SVIL: variants seen among roughly 807,000 people sequenced by gnomAD.
SVIL encodes archvillin.
SVIL carries 101 observed loss-of-function variants against 240.4 expected under a neutral mutation model. That is an observed-to-expected ratio of 0.42 (90% confidence interval 0.36 to 0.50). SVIL has a LOEUF of 0.50. Among genes scored for constraint, SVIL ranks in the 20% least tolerant of loss-of-function variants. SVIL has a pLI of 0.01. For missense variants in SVIL, 2,512 were observed against 2,818.7 expected, an observed-to-expected ratio of 0.89 and a Z score of 2.46; for synonymous variants, 999 against 1,100.0, an observed-to-expected ratio of 0.91 and a Z score of 1.82.
At chr10:29,608,760 C>T (rs1247427) in intron 1 of SVIL, among the ~76,000 whole-genome samples, 78 of 152,124 alleles carry the variant, frequency 5.1e-4, no homozygotes, top group African/African-American at 1.8e-3. Flanking sequence ...AGATAGCCTG[C>T]GTGCCATGGA....
chr10:29,649,460 G>T (rs973050923), intron 3 of SVIL, among the ~76,000 whole-genome samples: 2 of 152,008 alleles, frequency 1.3e-5, no homozygotes, highest in African/African-American at 4.8e-5. Context: ...TAAGAAAATT[G>T]CTACAAGAAG....
intron 2 of SVIL, among the ~76,000 whole-genome samples, chr10:29,660,648 G>A (rs1287660879): frequency 1.3e-5 from 2 of 152,114 alleles, no homozygotes; most frequent in Non-Finnish European, 2.9e-5. Flanking sequence ...CAAGAAGAAA[G>A]GGCAGAATAG....
intron 29 of SVIL, among the ~76,000 whole-genome samples, chr10:29,479,461 G>A (rs1183837020): frequency 6.6e-6 from 1 of 152,154 alleles, no homozygotes; most frequent in African/African-American, 2.4e-5. Context: ...GCCCTGAGGG[G>A]GCAGGGGGAC....
At chr10:29,571,426 A>C (rs35178882) in intron 1 of SVIL, among the ~76,000 whole-genome samples, 9,747 of 152,264 alleles carry the variant, frequency 0.064, 403 homozygotes, top group South Asian at 0.13. Flanking sequence ...CATACAAAGA[A>C]AAACCTACAG....
intron 9 of SVIL, among the ~76,000 whole-genome samples, chr10:29,531,753 A>G (rs1298893713): frequency 6.6e-6 from 1 of 152,230 alleles, no homozygotes; most frequent in African/African-American, 2.4e-5. Context: ...ATAAAGAAAA[A>G]TAATGTTTCT....
chr10:29,463,196 T>C (rs1944466713), intron 35 of SVIL, among the ~76,000 whole-genome samples: 1 of 152,230 alleles, frequency 6.6e-6, no homozygotes, highest in South Asian at 2.1e-4. Flanking sequence ...GGGGTTTTAA[T>C]CTGCCTGGGG....
chr10:29,548,135 G>T (rs943681468), intron 6 of SVIL, among the ~76,000 whole-genome samples: 1 of 152,170 alleles, frequency 6.6e-6, no homozygotes, highest in African/African-American at 2.4e-5. Context: ...TTTCAGTCTG[G>T]ATGCTCGAGT....
chr10:29,553,457 T>C (rs1009481503), intron 5 of SVIL, among the ~76,000 whole-genome samples: 1 of 152,132 alleles, frequency 6.6e-6, no homozygotes, highest in African/African-American at 2.4e-5. Context: ...GGCGGGCACC[T>C]GTAATCCCAG....
At chr10:29,648,965 C>T (rs188438566) in intron 3 of SVIL, among the ~76,000 whole-genome samples, 1 of 151,762 alleles carries the variant, frequency 6.6e-6, no homozygotes, top group Non-Finnish European at 1.5e-5. Context: ...CACTAAGGCA[C>T]CCGTCTACAC....
Position 29,524,587 on chromosome 10 carries a change from T to C in SVIL, c.2471A>G (p.Lys824Arg). ...SLAEKLALFN[K>R]LSQPVSKAIS... ...CGCTTTTGAGACTGGCTGGGACAAT[T>C]TGTTAAACAAGGCCAACTTTTCGGC... The change falls in exon 14 of 38, where the codon AAA (lysine) becomes AGA (arginine). Residue 824 changes from lysine (K) to arginine (R), a missense_variant. Around this residue, in one of 3 missense-constraint regions of SVIL, gnomAD observed 1,443 missense variants for 1,486.6 expected, o/e 0.97. Transcript: ENST00000355867. 2 of 1,614,156 alleles carry C rather than the reference T, an allele frequency of 1.2e-6. No individual in the cohort carries two copies. Among genetic ancestry groups the C allele is most frequent in the Non-Finnish European group, 1.7e-6 (2 of 1,180,034 alleles).
At chr10:29,490,210 G>A (rs1303044196) in intron 22 of SVIL, among the ~76,000 whole-genome samples, 1 of 151,944 alleles carries the variant, frequency 6.6e-6, no homozygotes, top group African/African-American at 2.4e-5. Context: ...TACCAAGAAC[G>A]ATCTGAAAAG....
intron 1 of SVIL, among the ~76,000 whole-genome samples, chr10:29,717,283 GT>G (rs1254580753): frequency 2.7e-5 from 3 of 110,410 alleles, no homozygotes; most frequent in African/African-American, 1.0e-4. Flanking sequence ...TGTGATTTAT[GT>G]TTTTTTTCAC....
chr10:29,692,193 A>T (rs1961560450), intron 1 of SVIL, among the ~76,000 whole-genome samples: 1 of 152,226 alleles, frequency 6.6e-6, no homozygotes, highest in Non-Finnish European at 1.5e-5. Context: ...AGAAGCAAGT[A>T]GAGGTTCGTC....
chr10:29,592,491 G>A (rs867313552), intron 1 of SVIL, among the ~76,000 whole-genome samples: 32 of 152,098 alleles, frequency 2.1e-4, no homozygotes, highest in African/African-American at 5.6e-4. Context: ...TACCTAAGTC[G>A]CCAGGTGCTG....
intron 16 of SVIL, among the ~76,000 whole-genome samples, chr10:29,516,585 C>T (rs1371011037): frequency 1.4e-4 from 21 of 152,168 alleles, no homozygotes; most frequent in Non-Finnish European, 2.6e-4. Context: ...AAATTCCTGC[C>T]GGTGCAATTC....
chr10:29,480,253 G>C (rs2132349679), intron 29 of SVIL, among the ~76,000 whole-genome samples: 2 of 152,328 alleles, frequency 1.3e-5, no homozygotes, highest in Non-Finnish European at 2.9e-5. Flanking sequence ...AAGCTCTGGG[G>C]ACAGGGGCAG....
chr10:29,663,341 A>C (rs1206489406), intron 2 of SVIL, among the ~76,000 whole-genome samples: 1 of 152,182 alleles, frequency 6.6e-6, no homozygotes, highest in Non-Finnish European at 1.5e-5. Context: ...TGATGGTGAC[A>C]ACTTTTCTGT....
chr10:29,496,801 G>T (rs1282235055), intron 18 of SVIL, among the ~76,000 whole-genome samples: 1 of 152,220 alleles, frequency 6.6e-6, no homozygotes, highest in East Asian at 1.9e-4. Context: ...TTGGTAGTAA[G>T]AACCCACTTA....
intron 1 of SVIL, among the ~76,000 whole-genome samples, chr10:29,608,837 C>T (rs1057211198): frequency 2.0e-5 from 3 of 152,194 alleles, no homozygotes; most frequent in Admixed American, 1.3e-4. Context: ...TCTAGTGAAA[C>T]CCTACCTTTA....
Sources: allele counts gnomAD v4.1 joint callset (sites outside exome capture counted in the v4.1 genomes callset), GRCh38; gene constraint gnomAD v4.1.1; regional missense constraint gnomAD v4.1.1; transcripts MANE v1.5; gene names NCBI Gene and HGNC (gene_info 2026-07-23, HGNC 2026-07-21).